The following RIPOR3 variants were observed in gnomAD, a reference collection of about 807,000 sequenced individuals.
RIPOR3 encodes family with sequence similarity 65 member C.
A neutral mutation model predicts 114.3 loss-of-function variants in RIPOR3; 95 were observed. The observed-to-expected ratio is 0.83, with a 90% CI of 0.70 to 0.99. The LOEUF is 0.99. Among genes scored for constraint, RIPOR3 ranks in the 50% least tolerant of loss-of-function variants. RIPOR3 has a pLI of 0.00. For missense variants in RIPOR3, 1,252 were observed against 1,266.9 expected, an observed-to-expected ratio of 0.99 and a Z score of 0.18; for synonymous variants, 575 against 543.8, an observed-to-expected ratio of 1.06 and a Z score of -0.80.
intron 19 of RIPOR3, 111 bp from the exon 20 acceptor site, chr20:50,589,880 C>A: frequency 1.2e-6 from 1 of 869,268 alleles, no homozygotes; most frequent in Middle Eastern, 2.7e-4. Context: ...GCCCATCTTT[C>A]TCTAAACAAC....
intron 1 of RIPOR3, among the ~76,000 whole-genome samples, chr20:50,687,304 C>T (rs553492510): frequency 6.6e-6 from 1 of 152,354 alleles, no homozygotes; most frequent in African/African-American, 2.4e-5. Flanking sequence ...TGCATCCACT[C>T]CAGTGCTTCG....
In RIPOR3 at chr20:50,604,614, CAG is replaced by C. The variant is rs1235075712; in HGVS notation, c.1086+29_1086+30del. 1.9e-6 allele frequency: 3 copies of C among 1,589,100 alleles called. No individual in the cohort carries two copies. The East Asian group carries it at 6.9e-5, about 37-fold the overall frequency. ...TGCTGCCCCCATCCCAGGGTGACCACAGCGGCCCTGCCCCGGGAAGGCTCACT... is the reference window on the plus strand; with the variant it reads ...TGCTGCCCCCATCCCAGGGTGACCACCGGCCCTGCCCCGGGAAGGCTCACT... On this transcript the variant is annotated intron_variant, in intron 12 of 21. Coordinates refer to ENST00000327979, the MANE Select transcript of RIPOR3 (RefSeq NM_001290268.2).
chr20:50,609,391 T>C, intron 7 of RIPOR3, 35 bp from the exon 8 acceptor site: 1 of 1,607,616 alleles, frequency 6.2e-7, no homozygotes, highest in South Asian at 1.1e-5. Context: ...GCTGGCTGCC[T>C]GGGGCTAGGC....
chr20:50,596,898 G>A (rs1020425080), intron 14 of RIPOR3: 2 of 155,356 alleles, frequency 1.3e-5, no homozygotes, highest in Non-Finnish European at 2.9e-5. Flanking sequence ...TGTGGGCCCT[G>A]TGGTGGGACA....
chr20:50,619,941 G>A (rs6122953), intron 3 of RIPOR3, 45 bp downstream of exon 3: 1,016,202 of 1,582,288 alleles, frequency 0.64, 333,080 homozygotes, highest in Middle Eastern at 0.74. Context: ...AGGAGGCGAG[G>A]TAGAGGAATG....
intron 1 of RIPOR3, among the ~76,000 whole-genome samples, chr20:50,652,490 C>T (rs754079565): frequency 6.7e-6 from 1 of 148,872 alleles, no homozygotes; most frequent in African/African-American, 2.5e-5. Flanking sequence ...ACTTGGGAGG[C>T]TGAGACAATA....
At chr20:50,622,661 A>G (rs1400546066) in intron 2 of RIPOR3, among the ~76,000 whole-genome samples, 1 of 151,888 alleles carries the variant, frequency 6.6e-6, no homozygotes, top group Non-Finnish European at 1.5e-5. Flanking sequence ...ACACACACAC[A>G]TGCCCTCATC....
intron 17 of RIPOR3, among the ~76,000 whole-genome samples, chr20:50,593,863 C>T (rs1316849143): frequency 3.3e-5 from 5 of 152,102 alleles, no homozygotes; most frequent in Admixed American, 1.3e-4. Context: ...GGGAAGAACG[C>T]AGTCCAGCCA....
At chr20:50,638,732 G>A (rs1351511515) in intron 1 of RIPOR3, among the ~76,000 whole-genome samples, 1 of 152,120 alleles carries the variant, frequency 6.6e-6, no homozygotes, top group Non-Finnish European at 1.5e-5. Context: ...GGGGGAAGCT[G>A]GGCCTCCAAG....
chr20:50,660,880 C>G (rs1455862735), intron 1 of RIPOR3, among the ~76,000 whole-genome samples: 3 of 151,384 alleles, frequency 2.0e-5, no homozygotes, highest in Admixed American at 6.6e-5. Context: ...TCAGCACCCC[C>G]CACCTATGCC....
rs373581282 is a variant in RIPOR3 at position 50,594,728 on chromosome 20, T to C, written c.2051-14A>G. 197 of 1,602,692 alleles carry C rather than the reference T, an allele frequency of 1.2e-4. No individual in the cohort carries two copies. The Middle Eastern group carries it at 2.3e-3, about 19-fold the overall frequency. ...CCTGTGGGATGACTGAAAGCCCCAGTTCAGAAACCTGAATGGTGACTCGGG... is the reference window on the plus strand; with the variant it reads ...CCTGTGGGATGACTGAAAGCCCCAGCTCAGAAACCTGAATGGTGACTCGGG... On this transcript the variant is annotated splice_polypyrimidine_tract_variant and intron_variant, in intron 16 of 21. Coordinates refer to ENST00000327979, the MANE Select transcript of RIPOR3 (RefSeq NM_001290268.2).
chr20:50,651,353 C>G (rs1390160156), intron 1 of RIPOR3, among the ~76,000 whole-genome samples: 6 of 152,216 alleles, frequency 3.9e-5, no homozygotes, highest in Non-Finnish European at 8.8e-5. Flanking sequence ...TGCATTTCAG[C>G]CTTGCGATGA....
chr20:50,669,389 C>T (rs1450627992), intron 1 of RIPOR3, among the ~76,000 whole-genome samples: 5 of 152,176 alleles, frequency 3.3e-5, no homozygotes, highest in South Asian at 2.1e-4. Flanking sequence ...ATTAATAGCT[C>T]GAAAAATATT....
At chr20:50,617,013 A>G (rs562107697) in intron 3 of RIPOR3, among the ~76,000 whole-genome samples, 4 of 152,286 alleles carry the variant, frequency 2.6e-5, no homozygotes, top group African/African-American at 9.6e-5. Context: ...ATGGTGGCAC[A>G]CACCTGTAGT....
chr20:50,656,478 A>G (rs1333623755), intron 1 of RIPOR3, among the ~76,000 whole-genome samples: 2 of 152,076 alleles, frequency 1.3e-5, no homozygotes, highest in African/African-American at 2.4e-5. Context: ...AATATATACA[A>G]TTTTTTATCT....
Position 50,681,310 on chromosome 20 carries a change from G to C in RIPOR3, c.3+9816C>G, listed in dbSNP as rs866683321. ...AACATATAATGAGGCTTCTGGAAAA[G>C]ATAGCTCTTTTTATTTTAGAGAAAT... On this transcript the variant is annotated intron_variant, in intron 1 of 21. Transcript: ENST00000327979. 3.5e-5 allele frequency among the ~76,000 whole-genome samples: 5 copies of C among 142,330 alleles called. 1 individual carries two copies. The East Asian group carries it at 1.1e-3, about 30-fold the overall frequency. 93.4% of individuals were successfully genotyped at this position (142,330 alleles called of 152,430 possible).
intron 2 of RIPOR3, among the ~76,000 whole-genome samples, chr20:50,624,452 C>A (rs1041068165): frequency 6.6e-6 from 1 of 152,208 alleles, no homozygotes; most frequent in Non-Finnish European, 1.5e-5. Flanking sequence ...GGACCTTATA[C>A]CCTCGCTGCT....
At chr20:50,680,024 G>C (rs1291962364) in intron 1 of RIPOR3, among the ~76,000 whole-genome samples, 1 of 152,164 alleles carries the variant, frequency 6.6e-6, no homozygotes, top group African/African-American at 2.4e-5. Flanking sequence ...ATCCATGCTT[G>C]GTCCTCTCCT....
At chr20:50,663,062 A>C (rs2086052302) in intron 1 of RIPOR3, among the ~76,000 whole-genome samples, 2 of 144,374 alleles carry the variant, frequency 1.4e-5, no homozygotes, top group Non-Finnish European at 3.0e-5. Context: ...TCACCACTGT[A>C]CTCCAGCCCG....
Sources: gnomAD v4.1 joint callset for allele counts (sites outside exome capture counted in the v4.1 genomes callset) on GRCh38, gnomAD v4.1.1 for gene constraint, MANE v1.5 for transcripts, NCBI Gene and HGNC (gene_info 2026-07-23, HGNC 2026-07-21) for gene names.